The following CR1L variants were observed in gnomAD, a reference collection of about 807,000 sequenced individuals.
CR1L encodes the protein complement C3b/C4b receptor 1 like.
CR1L carries 59 observed loss-of-function variants against 62.3 expected under a neutral mutation model. That is an observed-to-expected ratio of 0.95 (90% CI 0.77 to 1.18). The LOEUF (loss-of-function observed/expected upper bound fraction) is 1.18. Among genes scored for constraint, CR1L ranks in the 50% most tolerant of loss-of-function variants. CR1L has a pLI of 0.00. For missense variants in CR1L, 700 were observed against 702.8 expected (o/e 1.00, Z 0.04); for synonymous variants, 279 against 248.7 (o/e 1.12, Z -1.15).
In CR1L at chr1:207,677,461, T is replaced by C. The variant is rs377607560; in HGVS notation, c.170T>C (p.Ile57Thr). 4.3e-6 allele frequency: 7 copies of C among 1,613,834 alleles called. No individual in the cohort carries two copies. In the East Asian group the frequency reaches 6.7e-5, roughly 15 times the overall value. Reference protein sequence around the residue: ...TNLTDDFEFPIGTYLNYECRP... With the variant: ...TNLTDDFEFPTGTYLNYECRP... ...CTAACTGATGACTTTGAGTTTCCCA[T>C]TGGGACATATCTGAACTATGAATGC... is the stretch of plus-strand genomic sequence containing the variant. Residue 57 changes from isoleucine to threonine, a missense_variant, in exon 2 of 12, where the codon ATT becomes ACT. By Grantham distance (89) the Ile-to-Thr change is moderately conservative (BLOSUM62 -1). Coordinates refer to ENST00000508064, the MANE Select transcript of CR1L (RefSeq NM_175710.2).
In CR1L at chr1:207,701,443, A is replaced by G. The variant is rs1210508727; in HGVS notation, c.1229-76A>G. 10 of 1,566,458 alleles carry G rather than the reference A, an allele frequency of 6.4e-6. No individual in the cohort carries two copies. The Admixed American group carries it at 1.0e-4, about 16-fold the overall frequency. ...CTGCGTGTTTTCTTCAGGAAGCTAC[A>G]TGCAGGTTGAGACCTTACGTACTGA... On this transcript the variant is annotated intron_variant, in intron 8 of 11. Coordinates refer to ENST00000508064, the MANE Select transcript of CR1L (RefSeq NM_175710.2).
Position 207,645,145 on chromosome 1 carries a change from A to G in CR1L, c.-89A>G, listed in dbSNP as rs538755533. The G allele has an allele frequency of 1.5e-6, 2 of 1,296,866 alleles. No individual in the cohort carries two copies. 80.3% of individuals were successfully genotyped at this position (1,296,866 alleles called of 1,614,324 possible). A position where few individuals can be genotyped will look rare whatever the true frequency, so the allele number is the denominator to read the frequency against. ...GAGTTTGGGGATTGTTGTGTCCACT[A>G]ACCGGACTCAGAAGGGACTTCCCTG... is the stretch of plus-strand genomic sequence containing the variant. On this transcript the variant is annotated 5_prime_UTR_variant, in exon 1 of 12. Transcript: ENST00000508064.
At chr1:207,703,357 G>C (rs1664221371) in intron 9 of CR1L, among the ~76,000 whole-genome samples, 1 of 152,166 alleles carries the variant, frequency 6.6e-6, no homozygotes, top group African/African-American at 2.4e-5. Context: ...CATTCTAAAA[G>C]CCCTAGGGCC....
chr1:207,677,694 A>T (rs1402908660), intron 2 of CR1L, 126 bp downstream of exon 2: 28 of 1,115,970 alleles, frequency 2.5e-5, no homozygotes, highest in Non-Finnish European at 1.5e-5. Context: ...TACATATGAG[A>T]ATTATTCTTG....
intron 5 of CR1L, among the ~76,000 whole-genome samples, chr1:207,695,015 C>T (rs1329852413): frequency 1.3e-5 from 2 of 152,214 alleles, no homozygotes; most frequent in African/African-American, 4.8e-5. Context: ...AGTATAATAA[C>T]TGCTGATAGA....
chr1:207,712,619 G>A (rs1571536221), intron 10 of CR1L, among the ~76,000 whole-genome samples: 2 of 152,332 alleles, frequency 1.3e-5, no homozygotes, highest in East Asian at 1.9e-4. Context: ...CTACAGCTGT[G>A]AGCCCAGCTA....
Position 207,717,708 on chromosome 1 carries a change from A to T in CR1L, c.1642+17A>T, listed in dbSNP as rs74152381. ...TTGGTGCTGGTCAGTATCCGCTTCC[A>T]CATATCCTAAATGGGTTCAGAATAT... On this transcript the variant is annotated intron_variant, in intron 11 of 11. Transcript: ENST00000508064. 8,591 of 1,613,528 alleles carry T rather than the reference A, an allele frequency of 5.3e-3. 407 individuals are homozygous for T. The African/African-American group carries it at 0.1, about 20-fold the overall frequency.
intron 9 of CR1L, among the ~76,000 whole-genome samples, chr1:207,702,173 C>T (rs1210712234): frequency 1.3e-5 from 2 of 152,054 alleles, no homozygotes; most frequent in African/African-American, 4.8e-5. Flanking sequence ...TCACAATATC[C>T]CAGAGGTTTT....
chr1:207,651,618 A>G (rs1663224882), intron 1 of CR1L, among the ~76,000 whole-genome samples: 2 of 152,264 alleles, frequency 1.3e-5, no homozygotes, highest in African/African-American at 4.8e-5. Flanking sequence ...GCCCACAGAT[A>G]ATTTGAGGAA....
In CR1L at chr1:207,690,493, G is replaced by A. The variant is rs559423719; in HGVS notation, c.464-3860G>A. Among the ~76,000 whole-genome samples the A allele has an allele frequency of 9.8e-5, 15 of 152,308 alleles. No individual in the cohort carries two copies. In the South Asian group the frequency reaches 2.9e-3, roughly 29 times the overall value. ...CATATGCACTTGAAAAGACTGTACA[G>A]TTATTTTGTTTCATTTTCTAGAAAT... On this transcript the variant is annotated intron_variant, in intron 4 of 11. Transcript: ENST00000508064.
intron 1 of CR1L, among the ~76,000 whole-genome samples, chr1:207,659,899 G>A (rs1663381811): frequency 6.6e-6 from 1 of 152,254 alleles, no homozygotes; most frequent in African/African-American, 2.4e-5. Context: ...CTTGCTCGCT[G>A]CTAGTGCAGC....
At chr1:207,651,678 A>G (rs990689506) in intron 1 of CR1L, among the ~76,000 whole-genome samples, 1 of 152,130 alleles carries the variant, frequency 6.6e-6, no homozygotes, top group African/African-American at 2.4e-5. Context: ...AACTACAAAA[A>G]ACAGAAATAA....
At chr1:207,672,609 A>T (rs1663629882) in intron 1 of CR1L, among the ~76,000 whole-genome samples, 1 of 152,074 alleles carries the variant, frequency 6.6e-6, no homozygotes, top group Non-Finnish European at 1.5e-5. Flanking sequence ...ATCCAACAAC[A>T]GCAAAAGACA....
chr1:207,701,270 G>A (rs1474215580), intron 8 of CR1L, among the ~76,000 whole-genome samples: 3 of 152,160 alleles, frequency 2.0e-5, no homozygotes, highest in Non-Finnish European at 2.9e-5. Context: ...ATTTTGATAA[G>A]GGATGCAAGG....
intron 4 of CR1L, among the ~76,000 whole-genome samples, chr1:207,689,204 T>A (rs1403495451): frequency 6.6e-6 from 1 of 152,182 alleles, no homozygotes; most frequent in Non-Finnish European, 1.5e-5. Flanking sequence ...TTCTAATTGA[T>A]CACTCTGCAT....
At chr1:207,719,579 G>A (rs1274137342) in intron 11 of CR1L, among the ~76,000 whole-genome samples, 1 of 151,922 alleles carries the variant, frequency 6.6e-6, no homozygotes, top group East Asian at 1.9e-4. Context: ...AAATTAGCTG[G>A]GCGTGGTAGT....
At chr1:207,722,645 T>A (rs932983543) in intron 11 of CR1L, among the ~76,000 whole-genome samples, 9 of 152,330 alleles carry the variant, frequency 5.9e-5, no homozygotes, top group South Asian at 2.1e-4. Context: ...ACCCTTTTTT[T>A]AAATTGTCCA....
rs1240699061 is a variant in CR1L, at chr1:207,677,576, ACT to A, written c.277+11_277+12del. ...CTAAGGACAAGTGCAAACGTAAGTA[ACT>A]CTGGAGTGGGAACCCCTCTGTTAGT... On this transcript the variant is annotated intron_variant, in intron 2 of 11. Coordinates refer to ENST00000508064, the MANE Select transcript of CR1L (RefSeq NM_175710.2). The A allele has an allele frequency of 3.1e-6, 5 of 1,610,180 alleles. No individual in the cohort carries two copies. In the South Asian group the frequency reaches 5.6e-5, roughly 18 times the overall value.
At chr1:207,703,523 T>C (rs1446578035) in intron 9 of CR1L, among the ~76,000 whole-genome samples, 1 of 152,248 alleles carries the variant, frequency 6.6e-6, no homozygotes, top group Admixed American at 6.5e-5. Flanking sequence ...AAATGTTACA[T>C]ACAGCTCATT....
Sources: gnomAD v4.1 joint callset for allele counts (sites outside exome capture counted in the v4.1 genomes callset) on GRCh38, gnomAD v4.1.1 for gene constraint, MANE v1.5 for transcripts, NCBI Gene and HGNC (gene_info 2026-07-23, HGNC 2026-07-21) for gene names.